Variants in STAT5B observed in about 807,000 individuals in gnomAD.
STAT5B encodes the protein signal transducer and activator of transcription 5B, also known as transcription factor STAT5B.
A neutral mutation model predicts 107.8 loss-of-function variants in STAT5B; 21 were observed. That is an observed-to-expected ratio of 0.19 (90% CI 0.14 to 0.28). STAT5B has a LOEUF of 0.28. STAT5B is among the 10% of genes least tolerant of loss of function. The pLI is 1.00. For synonymous variants in STAT5B, 325 were observed against 401.7 expected (o/e 0.81, Z 2.28); for missense variants, 565 against 1,008.2 (o/e 0.56, Z 5.95).
chr17:42,200,894 CAG>C lies in STAT5B; in HGVS notation c.*842_*843del. 2.5e-6 allele frequency: 1 copy of C among 394,762 alleles called. No homozygotes were observed. The highest frequency in any genetic ancestry group is 4.5e-6 in the Non-Finnish European group (1 of 224,080). The allele number at this position is 394,762 out of a possible 1,614,324, so 24.5% of individuals were successfully genotyped here. On this transcript the variant is annotated 3_prime_UTR_variant, in exon 19 of 19. Transcript: ENST00000293328. ...GGCAACAATCTCAGCGCCTGGGAGTCAGGGCTGCGCACTCCACTCTGGCCAGA... is the reference window on the plus strand; with the variant it reads ...GGCAACAATCTCAGCGCCTGGGAGTCGGCTGCGCACTCCACTCTGGCCAGA...
upstream of STAT5B, among the ~76,000 whole-genome samples, chr17:42,279,219 A>G (rs1450871393): frequency 1.3e-5 from 2 of 152,082 alleles, no homozygotes; most frequent in African/African-American, 4.8e-5. Flanking sequence ...AGGTTCTCAA[A>G]CCAGACTCTG....
Position 42,264,449 on chromosome 17 carries a change from T to C in STAT5B, c.-11+11799A>G, listed in dbSNP as rs988187422. 6.9e-4 allele frequency among the ~76,000 whole-genome samples: 102 copies of C among 147,842 alleles called. 1 individual carries two copies. The highest frequency in any genetic ancestry group is 1.2e-3 in the Non-Finnish European group (84 of 67,380). On this transcript the variant is annotated intron_variant, in intron 1 of 18. Coordinates refer to ENST00000293328, the MANE Select transcript of STAT5B (RefSeq NM_012448.4). ...TTCAATTCCCACCTATGAGTGAGAA[T>C]ATGTGGTGTTTGGTTTTTTGTTCTT...
chr17:42,274,727 A>G (rs1421153463), intron 1 of STAT5B, among the ~76,000 whole-genome samples: 1 of 152,256 alleles, frequency 6.6e-6, no homozygotes, highest in Non-Finnish European at 1.5e-5. Context: ...CTCACAGGCA[A>G]TGAACATAAC....
chr17:42,235,760 G>A (rs1355051763), intron 1 of STAT5B, among the ~76,000 whole-genome samples: 1 of 152,234 alleles, frequency 6.6e-6, no homozygotes, highest in Non-Finnish European at 1.5e-5. Flanking sequence ...ACAGGCGTGA[G>A]CCACCACGCT....
intron 1 of STAT5B, among the ~76,000 whole-genome samples, chr17:42,251,860 G>A (rs1353915223): frequency 3.3e-5 from 5 of 151,872 alleles, no homozygotes; most frequent in African/African-American, 4.8e-5. Flanking sequence ...TTAGCTGGGC[G>A]TGGTGATGCG....
At chr17:42,240,245 C>T (rs1213047485) in intron 1 of STAT5B, among the ~76,000 whole-genome samples, 2 of 151,958 alleles carry the variant, frequency 1.3e-5, no homozygotes, top group Admixed American at 1.3e-4. Flanking sequence ...CAAATGTCCA[C>T]CAAAGGATAA....
At chr17:42,202,541 G>A in intron 17 of STAT5B, 94 bp from the exon 18 acceptor site, 1 of 1,500,554 alleles carries the variant, frequency 6.7e-7, no homozygotes, top group Non-Finnish European at 9.2e-7. Context: ...CTTTCTCAGG[G>A]TGTAGAAGGA....
At chr17:42,286,339 G>A in the STAT5B span, among the ~76,000 whole-genome samples, 1 of 152,084 alleles carries the variant, frequency 6.6e-6, no homozygotes, top group Non-Finnish European at 1.5e-5. Flanking sequence ...TCAACCAAGG[G>A]CACAGCCACT....
At chr17:42,256,504 A>G (rs933577073) in intron 1 of STAT5B, among the ~76,000 whole-genome samples, 3 of 152,188 alleles carry the variant, frequency 2.0e-5, no homozygotes, top group Admixed American at 2.0e-4. Context: ...CTTATCTGAG[A>G]TTTTGTTTTC....
the STAT5B span, among the ~76,000 whole-genome samples, chr17:42,287,096 G>A: frequency 6.6e-6 from 1 of 152,130 alleles, no homozygotes; most frequent in Non-Finnish European, 1.5e-5. Flanking sequence ...CCCCCTTAGA[G>A]TTTTCAATTC....
chr17:42,208,464 C>A (rs1447943840), intron 15 of STAT5B, among the ~76,000 whole-genome samples: 1 of 151,558 alleles, frequency 6.6e-6, no homozygotes, highest in Non-Finnish European at 1.5e-5. Flanking sequence ...ACACTGCACT[C>A]CAGCCTGGGT....
At chr17:42,207,894 C>T (rs79419007) in intron 15 of STAT5B, among the ~76,000 whole-genome samples, 166 bp from the exon 16 acceptor site, 1,812 of 152,178 alleles carry the variant, frequency 0.012, 28 homozygotes, top group African/African-American at 0.042. Flanking sequence ...TATTTATTTA[C>T]TTACTTACTT....
intron 1 of STAT5B, among the ~76,000 whole-genome samples, chr17:42,262,805 T>TAC (rs2080614385): frequency 9.9e-6 from 1 of 101,442 alleles, no homozygotes; most frequent in Non-Finnish European, 1.9e-5. Flanking sequence ...TATGTGTGTA[T>TAC]ATATACACAC....
At position 42,202,467 on chromosome 17, in the gene STAT5B, G is replaced by A; in HGVS notation, c.2130-20C>T. 1 of 1,613,124 alleles carries A rather than the reference G, an allele frequency of 6.2e-7. No homozygotes were observed. Among genetic ancestry groups the A allele is most frequent in the Non-Finnish European group, 8.5e-7 (1 of 1,179,764 alleles). ...ACAAACCTGCAGAAGGAAGAGAACA[G>A]AGCTTCAGCTGCCAGGGAGGCCAGG... On this transcript the variant is annotated intron_variant, in intron 17 of 18. Coordinates refer to ENST00000293328, the MANE Select transcript of STAT5B (RefSeq NM_012448.4).
chr17:42,219,629 A>C, intron 6 of STAT5B, 83 bp downstream of exon 6: 5 of 1,476,804 alleles, frequency 3.4e-6, no homozygotes, highest in Non-Finnish European at 9.2e-7. Context: ...TTCTGCTCTC[A>C]TGCTGGTCCC....
chr17:42,241,074 T>C (rs977152690), intron 1 of STAT5B, among the ~76,000 whole-genome samples: 24 of 151,712 alleles, frequency 1.6e-4, no homozygotes, highest in South Asian at 1.3e-3. Context: ...GCGTGGTGGC[T>C]CATGCTTGTA....
chr17:42,220,065 T>TG (rs2080211641), intron 5 of STAT5B, among the ~76,000 whole-genome samples: 1 of 152,156 alleles, frequency 6.6e-6, no homozygotes, highest in Non-Finnish European at 1.5e-5. Flanking sequence ...CCGTCCCCTC[T>TG]GGGGGCACAC....
chr17:42,271,456 T>C (rs763080919), intron 1 of STAT5B: 19 of 152,238 alleles, frequency 1.2e-4, no homozygotes, highest in African/African-American at 1.4e-4. Flanking sequence ...GAGAATCTCA[T>C]TACTGCTCTC....
At chr17:42,242,903 TG>T (rs1483716815) in intron 1 of STAT5B, among the ~76,000 whole-genome samples, 2 of 152,094 alleles carry the variant, frequency 1.3e-5, no homozygotes, top group African/African-American at 4.8e-5. Context: ...AGATGTGCTT[TG>T]TTAAACAGAT....
Sources: allele counts gnomAD v4.1 joint callset (sites outside exome capture counted in the v4.1 genomes callset), GRCh38; gene constraint gnomAD v4.1.1; transcripts MANE v1.5; gene names NCBI Gene and HGNC (gene_info 2026-07-23, HGNC 2026-07-21).